Variants in ANO4 observed in about 807,000 individuals in gnomAD.
The protein encoded by ANO4 is anoctamin-4.
ANO4 carries 69 observed loss-of-function variants against 141.9 expected under a neutral mutation model. The observed-to-expected ratio is 0.49, with a 90% CI of 0.40 to 0.59. The LOEUF (loss-of-function observed/expected upper bound fraction) is 0.59. Ranked by LOEUF, ANO4 falls within the 20% of genes least tolerant of loss-of-function variation. The pLI, the probability that ANO4 is intolerant of heterozygous loss-of-function variation, is 0.00. For synonymous variants in ANO4, 350 were observed against 394.3 expected (o/e 0.89, Z 1.33); for missense variants, 894 against 1,162.2 (o/e 0.77, Z 3.36).
chr12:101,109,569 A>C (rs186120200), intron 22 of ANO4, among the ~76,000 whole-genome samples: 2 of 152,246 alleles, frequency 1.3e-5, no homozygotes, highest in Admixed American at 6.5e-5. Flanking sequence ...TCAAAAAAAA[A>C]CAAAAAACAA....
At chr12:100,745,236 CT>C (rs2032050240) in intron 3 of ANO4, among the ~76,000 whole-genome samples, 1 of 152,206 alleles carries the variant, frequency 6.6e-6, no homozygotes, top group Admixed American at 6.5e-5. Context: ...GTGCCATCTA[CT>C]TTGATACCTT....
rs201891955 is a variant in ANO4, at chr12:101,095,770, A to AG, written c.1739-765dup. The stretch of plus-strand genomic sequence containing the variant: ...TAGACATTGCTTGCTCATAGAATGT[A>AG]GCTCCTGTGAAAGGATAAATTCATT... On this transcript the variant is annotated intron_variant, in intron 18 of 27. Transcript: ENST00000392977. 3.8e-3 allele frequency among the ~76,000 whole-genome samples: 572 copies of AG among 152,360 alleles called. 2 individuals carry two copies. The highest frequency in any genetic ancestry group is 0.013 in the African/African-American group (550 of 41,598).
At chr12:100,865,816 G>A (rs528793045) in intron 1 of ANO4, among the ~76,000 whole-genome samples, 9 of 152,158 alleles carry the variant, frequency 5.9e-5, no homozygotes, top group Non-Finnish European at 1.2e-4. Context: ...ACATTACAGC[G>A]CTGTGGGACT....
chr12:100,832,642 C>T (rs1000536342), intron 1 of ANO4, among the ~76,000 whole-genome samples: 6 of 152,022 alleles, frequency 3.9e-5, no homozygotes, highest in African/African-American at 1.4e-4. Flanking sequence ...GCTAATAGTT[C>T]TTTTCTTTGC....
rs915905640 is a variant in ANO4 at position 100,929,305 on chromosome 12, C to T, written c.160+6975C>T. On this transcript the variant is annotated intron_variant, in intron 3 of 27. Coordinates refer to ENST00000392977, the MANE Select transcript of ANO4 (RefSeq NM_001286615.2). ...CCAGCATATGGTAACCACCATTCTA[C>T]TCTCTATCTCCATTAGTTCAATTGT... is the stretch of plus-strand genomic sequence containing the variant. 2.0e-5 allele frequency among the ~76,000 whole-genome samples: 3 copies of T among 152,118 alleles called. No homozygotes were observed. The South Asian group carries it at 6.2e-4, about 32-fold the overall frequency.
intron 3 of ANO4, among the ~76,000 whole-genome samples, chr12:100,779,609 C>A (rs2033648865): frequency 6.6e-6 from 1 of 152,146 alleles, no homozygotes; most frequent in Admixed American, 6.5e-5. Flanking sequence ...GTAGGTGGCT[C>A]CCCAGTCACA....
intron 1 of ANO4, among the ~76,000 whole-genome samples, chr12:100,809,474 G>T (rs1468061448): frequency 6.6e-6 from 1 of 152,038 alleles, no homozygotes; most frequent in African/African-American, 2.4e-5. Flanking sequence ...AAGCTGTCCT[G>T]GGGCAATCAA....
intron 1 of ANO4, among the ~76,000 whole-genome samples, chr12:100,887,075 C>T (rs2039870653): frequency 6.6e-6 from 1 of 152,192 alleles, no homozygotes; most frequent in Non-Finnish European, 1.5e-5. Context: ...GCTCACTTGG[C>T]TAAGTGACAA....
chr12:101,048,196 G>A (rs2047707941), intron 13 of ANO4, 145 bp from the exon 14 acceptor site: 6 of 1,040,914 alleles, frequency 5.8e-6, no homozygotes, highest in Non-Finnish European at 8.1e-6. Context: ...CTTATTTATG[G>A]TTCAAAAGGA....
chr12:100,816,211 T>G, intron 1 of ANO4, among the ~76,000 whole-genome samples: 1 of 151,890 alleles, frequency 6.6e-6, no homozygotes, highest in East Asian at 1.9e-4. Context: ...CCTTATGGAG[T>G]CTAGAGTTCA....
At chr12:101,043,751 G>A in intron 13 of ANO4, 116 bp downstream of exon 13, 1 of 723,636 alleles carries the variant, frequency 1.4e-6, no homozygotes, top group Non-Finnish European at 2.4e-6. Context: ...GAATGTTGTA[G>A]GATAGACTTA....
chr12:100,913,412 T>C (rs181353622), intron 2 of ANO4, among the ~76,000 whole-genome samples: 2 of 152,334 alleles, frequency 1.3e-5, no homozygotes, highest in East Asian at 3.9e-4. Context: ...GTGCCCCTTA[T>C]CCATAGCTTT....
At chr12:100,996,830 C>T (rs1177434415) in intron 8 of ANO4, among the ~76,000 whole-genome samples, 4 of 152,154 alleles carry the variant, frequency 2.6e-5, no homozygotes, top group South Asian at 4.1e-4. Context: ...CAAGTTAAAG[C>T]CAGTAGTGAT....
At chr12:101,068,729 A>G (rs2048694591) in intron 14 of ANO4, 1 of 1,305,548 alleles carries the variant, frequency 7.7e-7, no homozygotes, top group Non-Finnish European at 1.1e-6. Context: ...ACCAGATCTC[A>G]TAAAAATGTT....
rs149700184 is a variant in ANO4 at position 101,052,656 on chromosome 12, A to G, written c.1312+4255A>G. Among the ~76,000 whole-genome samples, 532 of 152,364 alleles carry G rather than the reference A, an allele frequency of 3.5e-3. 3 individuals are homozygous for G. Among genetic ancestry groups the G allele is most frequent in the African/African-American group, 0.012 (489 of 41,588 alleles). On this transcript the variant is annotated intron_variant, in intron 14 of 27. Coordinates refer to ENST00000392977, the MANE Select transcript of ANO4 (RefSeq NM_001286615.2). ...GTGAATGAAGTATGTCTCATTTAAA[A>G]AAATAAATTTTGCAAGAATCAGCCT...
rs1185072123 is a variant in ANO4 at position 101,037,104 on chromosome 12, G to A, written c.851G>A (p.Arg284His). ...EEGKNKIGLN[R>H]LLTNGSYEAA... The stretch of plus-strand genomic sequence containing the variant: ...TTATTTGCTGTTTTAGGTCTGAATC[G>A]TTTGCTTACCAATGGCTCCTATGAA... The change falls in exon 10 of 28, where the codon CGT becomes CAT. Residue 284 changes from arginine to histidine, a missense_variant. By Grantham distance (29) the Arg-to-His change is conservative (BLOSUM62 0). Transcript: ENST00000392977. 1.2e-5 allele frequency: 20 copies of A among 1,613,864 alleles called. No homozygotes were observed. Among genetic ancestry groups the A allele is most frequent in the Non-Finnish European group, 1.5e-5 (18 of 1,179,872 alleles).
At chr12:101,027,187 C>T (rs904765465) in intron 9 of ANO4, among the ~76,000 whole-genome samples, 1 of 152,170 alleles carries the variant, frequency 6.6e-6, no homozygotes, top group Non-Finnish European at 1.5e-5. Flanking sequence ...TGGTACCCAG[C>T]GTGGGAAACC....
intron 5 of ANO4, among the ~76,000 whole-genome samples, chr12:100,952,218 G>A (rs989980374): frequency 6.6e-6 from 1 of 152,222 alleles, no homozygotes; most frequent in Non-Finnish European, 1.5e-5. Flanking sequence ...AAGCCAGACA[G>A]CTGGGATTTA....
intron 22 of ANO4, among the ~76,000 whole-genome samples, chr12:101,106,676 T>C (rs1292084871): frequency 1.3e-5 from 2 of 150,198 alleles, no homozygotes; most frequent in South Asian, 2.1e-4. Flanking sequence ...AGAGCAAAAA[T>C]AGAGGAGAAT....
Sources: allele counts gnomAD v4.1 joint callset (sites outside exome capture counted in the v4.1 genomes callset), GRCh38; gene constraint gnomAD v4.1.1; transcripts MANE v1.5; gene names NCBI Gene and HGNC (gene_info 2026-07-23, HGNC 2026-07-21).